Variants in CLSTN2 observed in about 807,000 individuals in gnomAD.
The protein encoded by CLSTN2 is calsyntenin-2.
Under a neutral mutation model 101.2 loss-of-function variants are expected in CLSTN2, and 48 were observed. The observed-to-expected ratio is 0.47, with a 90% CI of 0.38 to 0.60. CLSTN2 has a LOEUF of 0.60. Among genes scored for constraint, CLSTN2 ranks in the 20% least tolerant of loss-of-function variants. CLSTN2 has a pLI of 0.00. For synonymous variants in CLSTN2, 481 were observed against 463.6 expected, an observed-to-expected ratio of 1.04 and a Z score of -0.48; for missense variants, 1,160 against 1,238.2, an observed-to-expected ratio of 0.94 and a Z score of 0.95.
At chr3:140,547,976 G>T (rs1935631460) in intron 10 of CLSTN2, among the ~76,000 whole-genome samples, 1 of 152,192 alleles carries the variant, frequency 6.6e-6, no homozygotes, top group Non-Finnish European at 1.5e-5. Context: ...TTCTCAGCTG[G>T]CCTAACATCC....
chr3:140,116,753 C>T (rs2009249971), intron 1 of CLSTN2, among the ~76,000 whole-genome samples: 1 of 152,108 alleles, frequency 6.6e-6, no homozygotes, highest in Non-Finnish European at 1.5e-5. Context: ...GAAATACCCA[C>T]CTTCTGCTCA....
intron 1 of CLSTN2, among the ~76,000 whole-genome samples, chr3:140,103,871 G>A (rs993881420): frequency 1.3e-5 from 2 of 152,188 alleles, no homozygotes; most frequent in African/African-American, 4.8e-5. Flanking sequence ...GGATTTGCAA[G>A]ACAAGGGTTG....
At chr3:140,331,233 G>A (rs557829516) in intron 2 of CLSTN2, among the ~76,000 whole-genome samples, 4 of 152,262 alleles carry the variant, frequency 2.6e-5, no homozygotes, top group South Asian at 2.1e-4. Context: ...CATCTGGCAC[G>A]GGAAGAGAGA....
At chr3:140,192,772 G>A (rs1404992096) in intron 2 of CLSTN2, among the ~76,000 whole-genome samples, 4 of 151,624 alleles carry the variant, frequency 2.6e-5, no homozygotes, top group African/African-American at 7.3e-5. Flanking sequence ...CCTTTTCATT[G>A]TTGTATTTAG....
intron 1 of CLSTN2, among the ~76,000 whole-genome samples, chr3:140,161,440 T>C (rs2010044514): frequency 6.6e-6 from 1 of 152,142 alleles, no homozygotes; most frequent in Non-Finnish European, 1.5e-5. Flanking sequence ...TGCACTCAAG[T>C]TCATACAAGA....
At chr3:140,556,785 T>C in intron 11 of CLSTN2, 124 bp downstream of exon 11, 1 of 882,602 alleles carries the variant, frequency 1.1e-6, no homozygotes, top group Admixed American at 2.6e-5. Context: ...CCTCAACTTC[T>C]GCTATTCCTC....
intron 1 of CLSTN2, among the ~76,000 whole-genome samples, chr3:140,059,607 T>C (rs1192983170): frequency 3.3e-5 from 5 of 152,140 alleles, no homozygotes; most frequent in Admixed American, 6.5e-5. Flanking sequence ...TGGCCCCCTC[T>C]GAGGATGGCA....
At chr3:140,224,298 C>T (rs548574133) in intron 2 of CLSTN2, among the ~76,000 whole-genome samples, 129 of 152,266 alleles carry the variant, frequency 8.5e-4, no homozygotes, top group African/African-American at 2.8e-3. Context: ...GAACTCAGTT[C>T]TTGGGATCAT....
At chr3:140,307,336 G>C (rs1485189331) in intron 2 of CLSTN2, among the ~76,000 whole-genome samples, 1 of 152,066 alleles carries the variant, frequency 6.6e-6, no homozygotes, top group Non-Finnish European at 1.5e-5. Context: ...CACCTTGCCG[G>C]CCTCCTCCTG....
chr3:140,165,596 A>G (rs9835717), intron 1 of CLSTN2, among the ~76,000 whole-genome samples: 109,325 of 151,620 alleles, frequency 0.72, 41,945 homozygotes, highest in East Asian at 0.93. Context: ...ATAGGAGTGT[A>G]GGCACAGGGG....
At chr3:140,276,082 A>G (rs138503925) in intron 2 of CLSTN2, among the ~76,000 whole-genome samples, 150 of 152,300 alleles carry the variant, frequency 9.8e-4, no homozygotes, top group African/African-American at 3.4e-3. Context: ...TAAGCTGCAG[A>G]GACCTTGAAA....
At chr3:140,332,069 A>G (rs1328220523) in intron 2 of CLSTN2, among the ~76,000 whole-genome samples, 1 of 152,220 alleles carries the variant, frequency 6.6e-6, no homozygotes. Context: ...AAGAACAGTG[A>G]TAGAGGGAAG....
At chr3:140,157,943 C>T (rs2009982456) in intron 1 of CLSTN2, among the ~76,000 whole-genome samples, 1 of 152,152 alleles carries the variant, frequency 6.6e-6, no homozygotes, top group Admixed American at 6.5e-5. Context: ...GCAGAAAAAG[C>T]TTTCAATAAA....
chr3:140,566,491 C>A lies in CLSTN2; in HGVS notation c.*238C>A. 1.8e-6 allele frequency: 1 copy of A among 559,158 alleles called. No individual in the cohort carries two copies. Among genetic ancestry groups the A allele is most frequent in the South Asian group, 2.4e-5 (1 of 41,730 alleles). The allele number at this position is 559,158 out of a possible 1,614,324, so 34.6% of individuals were successfully genotyped here. On this transcript the variant is annotated 3_prime_UTR_variant, in exon 17 of 17. Coordinates refer to ENST00000458420, the MANE Select transcript of CLSTN2 (RefSeq NM_022131.3). ...TTCAGGGTAGACTTTGTCCTGTAGC[C>A]TCCACTTCTGCCCTAAGTTCCCCAG...
At chr3:140,268,473 T>C (rs1313084878) in intron 2 of CLSTN2, among the ~76,000 whole-genome samples, 1 of 152,190 alleles carries the variant, frequency 6.6e-6, no homozygotes. Flanking sequence ...GGTGCTATAA[T>C]AGATCTGATG....
At chr3:140,364,964 A>G (rs1216295668) in intron 2 of CLSTN2, among the ~76,000 whole-genome samples, 4 of 152,188 alleles carry the variant, frequency 2.6e-5, no homozygotes, top group African/African-American at 7.2e-5. Context: ...TAGTTTTAAC[A>G]TGGTGCAATG....
chr3:140,178,173 C>T (rs944074081), intron 2 of CLSTN2, among the ~76,000 whole-genome samples: 3 of 151,902 alleles, frequency 2.0e-5, no homozygotes, highest in Non-Finnish European at 4.4e-5. Flanking sequence ...AAAGGGAAAC[C>T]GAAGTCGTTG....
At chr3:140,020,662 A>AG in intron 1 of CLSTN2, among the ~76,000 whole-genome samples, 1 of 152,240 alleles carries the variant, frequency 6.6e-6, no homozygotes, top group South Asian at 2.1e-4. Context: ...CTCTGGTCTG[A>AG]CCACTAATAG....
At chr3:140,415,501 A>C (rs958820198) in intron 4 of CLSTN2, among the ~76,000 whole-genome samples, 24 of 151,234 alleles carry the variant, frequency 1.6e-4, no homozygotes, top group Non-Finnish European at 2.1e-4. Flanking sequence ...AAAAAAAAAA[A>C]AAAAAAAAAC....
Sources: allele counts gnomAD v4.1 joint callset (sites outside exome capture counted in the v4.1 genomes callset), GRCh38; gene constraint gnomAD v4.1.1; transcripts MANE v1.5; gene names NCBI Gene and HGNC (gene_info 2026-07-23, HGNC 2026-07-21).